LAMA2: variants seen among roughly 807,000 people sequenced by gnomAD.
LAMA2 encodes the protein laminin subunit alpha-2.
A neutral mutation model predicts 364.8 loss-of-function variants in LAMA2; 269 were observed. That is an observed-to-expected ratio of 0.74 (90% CI 0.67 to 0.82). LAMA2 has a LOEUF of 0.82. LAMA2 is among the 40% of genes least tolerant of loss of function. LAMA2 has a pLI of 0.00. For missense variants in LAMA2, 3,807 were observed against 3,873.2 expected, an observed-to-expected ratio of 0.98 and a Z score of 0.45; for synonymous variants, 1,379 against 1,370.6, an observed-to-expected ratio of 1.01 and a Z score of -0.14.
Position 129,464,277 on chromosome 6 carries a change from T to A in LAMA2, c.6993-13T>A, listed in dbSNP as rs1316857455. 1 of 1,606,818 alleles carries A rather than the reference T, an allele frequency of 6.2e-7. No individual in the cohort carries two copies. Among genetic ancestry groups the A allele is most frequent in the South Asian group, 1.1e-5 (1 of 90,936 alleles). On this transcript the variant is annotated splice_polypyrimidine_tract_variant and intron_variant, in intron 49 of 64. Transcript: ENST00000421865. ...GATATGATCTGATTCATGTGAAATG[T>A]CTCTCTTCTCAGTCCTCAGGTGGAA...
chr6:129,091,235 C>T (rs936063390), intron 3 of LAMA2, among the ~76,000 whole-genome samples: 1 of 152,074 alleles, frequency 6.6e-6, no homozygotes, highest in Non-Finnish European at 1.5e-5. Flanking sequence ...CAAATACTGT[C>T]CCTTGAAGAG....
intron 45 of LAMA2, among the ~76,000 whole-genome samples, chr6:129,451,706 C>G (rs1264845563): frequency 6.6e-6 from 1 of 152,196 alleles, no homozygotes; most frequent in Admixed American, 6.5e-5. Context: ...GCAAAAATCC[C>G]TCTTTAGCCT....
intron 7 of LAMA2, 141 bp from the exon 8 acceptor site, chr6:129,154,364 A>G: frequency 1.5e-6 from 1 of 686,198 alleles, no homozygotes; most frequent in Non-Finnish European, 2.5e-6. Flanking sequence ...GTGAGCCGAG[A>G]TCGTGCCACT....
At chr6:128,985,958 C>T (rs1285703134) in intron 1 of LAMA2, among the ~76,000 whole-genome samples, 1 of 152,082 alleles carries the variant, frequency 6.6e-6, no homozygotes, top group Non-Finnish European at 1.5e-5. Flanking sequence ...CTCTTATTTA[C>T]CTACAGGTAG....
chr6:129,128,388 A>C (rs1355297056), intron 4 of LAMA2, among the ~76,000 whole-genome samples: 1 of 152,126 alleles, frequency 6.6e-6, no homozygotes, highest in African/African-American at 2.4e-5. Context: ...ATTTTAATTA[A>C]TACTACAATA....
chr6:129,078,897 G>C (rs1284653853), intron 3 of LAMA2, among the ~76,000 whole-genome samples: 1 of 152,142 alleles, frequency 6.6e-6, no homozygotes, highest in Admixed American at 6.6e-5. Context: ...CACAGTATTT[G>C]TCCTTTTGTA....
rs767524521 is a variant in LAMA2 at position 129,227,208 on chromosome 6, T to A, written c.1783-22904T>A. Reference sequence around the variant, plus strand: ...AGGTCATTTAAGGACTTCTCTACACTGGTTATTCTAGGTAGCCATTTGTCC... The same window carrying A: ...AGGTCATTTAAGGACTTCTCTACACAGGTTATTCTAGGTAGCCATTTGTCC... On this transcript the variant is annotated intron_variant, in intron 12 of 64. Coordinates refer to ENST00000421865, the MANE Select transcript of LAMA2 (RefSeq NM_000426.4). 7.9e-5 allele frequency among the ~76,000 whole-genome samples: 12 copies of A among 152,288 alleles called. No homozygotes were observed. Among genetic ancestry groups the A allele is most frequent in the Admixed American group, 2.6e-4 (4 of 15,300 alleles).
chr6:129,488,869 G>T (rs1469656915), intron 56 of LAMA2, among the ~76,000 whole-genome samples: 1 of 152,166 alleles, frequency 6.6e-6, no homozygotes, highest in Non-Finnish European at 1.5e-5. Context: ...TCTATGGCAT[G>T]ATTTGTGTCA....
At chr6:129,096,486 C>T (rs1337464996) in intron 3 of LAMA2, among the ~76,000 whole-genome samples, 1 of 152,150 alleles carries the variant, frequency 6.6e-6, no homozygotes, top group Non-Finnish European at 1.5e-5. Flanking sequence ...CAGTTACAGG[C>T]ACATACATAG....
chr6:129,330,769 T>C (rs541113783), intron 29 of LAMA2, among the ~76,000 whole-genome samples: 1 of 152,182 alleles, frequency 6.6e-6, no homozygotes, highest in East Asian at 1.9e-4. Flanking sequence ...TCATTGGTAT[T>C]ACTGCTTTGC....
At chr6:129,453,316 T>C (rs1562578007) in intron 46 of LAMA2, among the ~76,000 whole-genome samples, 185 bp downstream of exon 46, 1 of 152,136 alleles carries the variant, frequency 6.6e-6, no homozygotes, top group East Asian at 1.9e-4. Flanking sequence ...AGAAGGCAAA[T>C]GAAAGGAAGA....
At chr6:129,500,875 T>C (rs953616008) in intron 58 of LAMA2, among the ~76,000 whole-genome samples, 5 of 152,184 alleles carry the variant, frequency 3.3e-5, no homozygotes, top group Non-Finnish European at 2.9e-5. Flanking sequence ...CATTTACATA[T>C]AGTAATTAGA....
At chr6:128,929,215 T>A in intron 1 of LAMA2, 1 of 1,489,284 alleles carries the variant, frequency 6.7e-7, no homozygotes, top group Non-Finnish European at 9.4e-7. Flanking sequence ...CCCAGCGCCT[T>A]CTGAGCTTCT....
intron 30 of LAMA2, among the ~76,000 whole-genome samples, chr6:129,343,652 G>A (rs974605600): frequency 6.6e-6 from 1 of 151,926 alleles, no homozygotes; most frequent in African/African-American, 2.4e-5. Flanking sequence ...ATAATTAATT[G>A]ATAATTCCCT....
At chr6:128,982,237 C>G (rs74318608) in intron 1 of LAMA2, among the ~76,000 whole-genome samples, 2,626 of 152,226 alleles carry the variant, frequency 0.017, 52 homozygotes, top group African/African-American at 0.05. Flanking sequence ...CATTTCTATC[C>G]TACTTTTCTG....
chr6:129,402,604 C>T (rs955737882), intron 39 of LAMA2, 117 bp downstream of exon 39: 20 of 1,038,472 alleles, frequency 1.9e-5, no homozygotes, highest in Non-Finnish European at 2.9e-5. Context: ...TATGAACACA[C>T]TAGCTATATG....
intron 49 of LAMA2, among the ~76,000 whole-genome samples, chr6:129,461,625 A>G (rs760733211): frequency 6.6e-6 from 1 of 152,070 alleles, no homozygotes; most frequent in Non-Finnish European, 1.5e-5. Context: ...CCTATTATCA[A>G]CAACAAAACA....
At chr6:128,975,614 T>C (rs1376088584) in intron 1 of LAMA2, among the ~76,000 whole-genome samples, 1 of 152,160 alleles carries the variant, frequency 6.6e-6, no homozygotes, top group Admixed American at 6.5e-5. Flanking sequence ...GGGAGGGACC[T>C]GGAGGGAGGC....
chr6:129,014,089 T>C (rs1042031098), intron 1 of LAMA2, among the ~76,000 whole-genome samples: 5 of 152,166 alleles, frequency 3.3e-5, no homozygotes, highest in African/African-American at 1.2e-4. Context: ...GGTGATGTCA[T>C]TGAATGTGAT....
Sources: allele counts gnomAD v4.1 joint callset (sites outside exome capture counted in the v4.1 genomes callset), GRCh38; gene constraint gnomAD v4.1.1; transcripts MANE v1.5; gene names NCBI Gene and HGNC (gene_info 2026-07-23, HGNC 2026-07-21).